The following MTO1 variants were observed in gnomAD, a reference collection of about 807,000 sequenced individuals.
The protein encoded by MTO1 is mitochondrial tRNA translation optimization 1.
Under a neutral mutation model 71.6 loss-of-function variants are expected in MTO1, and 46 were observed. That is an observed-to-expected ratio of 0.64 (90% CI 0.51 to 0.82). The LOEUF is 0.82. MTO1 is among the 40% of genes least tolerant of loss of function. MTO1 has a pLI of 0.00. For synonymous variants in MTO1, 297 were observed against 312.1 expected, an observed-to-expected ratio of 0.95 and a Z score of 0.51; for missense variants, 773 against 867.5, an observed-to-expected ratio of 0.89 and a Z score of 1.37.
chr6:73,469,283 G>A (rs879927404), intron 3 of MTO1, among the ~76,000 whole-genome samples: 1 of 152,106 alleles, frequency 6.6e-6, no homozygotes, highest in African/African-American at 2.4e-5. Context: ...CACCCAAAGT[G>A]TTGGGATTAC....
rs1459174335 is a variant in MTO1 at position 73,502,309 on chromosome 6, T to C, written c.*1574T>C. 6.6e-6 allele frequency: 1 copy of C among 152,140 alleles called. No individual in the cohort carries two copies. Among genetic ancestry groups the C allele is most frequent in the African/African-American group, 2.4e-5 (1 of 41,396 alleles). The allele number at this position is 152,140 out of a possible 1,614,324, so 9.4% of individuals were successfully genotyped here. On this transcript the variant is annotated 3_prime_UTR_variant, in exon 12 of 12. Coordinates refer to ENST00000498286, the MANE Select transcript of MTO1 (RefSeq NM_012123.4). ...AAATACCAAAATTAGCCAGGCGTGG[T>C]GGAGCAAGCCTGTAGTCCCAGCTAC...
intron 1 of MTO1, among the ~76,000 whole-genome samples, chr6:73,464,903 G>A (rs1770941756): frequency 1.3e-5 from 2 of 148,396 alleles, no homozygotes; most frequent in Non-Finnish European, 3.0e-5. Flanking sequence ...CAGTGGATAT[G>A]TGGATATTGA....
At chr6:73,492,978 G>GTGTGTGTA (rs1474802935) in intron 10 of MTO1, among the ~76,000 whole-genome samples, 1 of 98,186 alleles carries the variant, frequency 1.0e-5, no homozygotes, top group African/African-American at 3.5e-5. Flanking sequence ...ATGTGTGTGT[G>GTGTGTGTA]TGTGTGTGTG....
At chr6:73,476,656 A>G (rs1183096942) in intron 4 of MTO1, among the ~76,000 whole-genome samples, 1 of 151,904 alleles carries the variant, frequency 6.6e-6, no homozygotes, top group Non-Finnish European at 1.5e-5. Flanking sequence ...TTTCTGGAAT[A>G]TTTGGGAGTA....
intron 9 of MTO1, among the ~76,000 whole-genome samples, chr6:73,491,266 G>A: frequency 6.8e-6 from 1 of 145,988 alleles, no homozygotes. Context: ...ACCAAATTAG[G>A]AAAAAAAAAA....
rs769685212 is a variant in MTO1 at position 73,479,929 on chromosome 6, A to G, written c.939-7A>G. 1 of 1,611,300 alleles carries G rather than the reference A, an allele frequency of 6.2e-7. No homozygotes were observed. On this transcript the variant is annotated splice_polypyrimidine_tract_variant and splice_region_variant and intron_variant, in intron 5 of 11. Coordinates refer to ENST00000498286, the MANE Select transcript of MTO1 (RefSeq NM_012123.4). ...CATTTCAAGTTTATTTAAATGTTCT[A>G]TTCTAGATACTGTCCCTCCATTGAA...
intron 3 of MTO1, among the ~76,000 whole-genome samples, chr6:73,466,807 C>T (rs767110748): frequency 2.0e-5 from 3 of 152,112 alleles, no homozygotes; most frequent in African/African-American, 7.2e-5. Flanking sequence ...ATTCTAGGCT[C>T]ATCAGTACCA....
intron 4 of MTO1, among the ~76,000 whole-genome samples, chr6:73,475,680 A>G (rs1719899442): frequency 6.6e-6 from 1 of 151,672 alleles, no homozygotes; most frequent in African/African-American, 2.4e-5. Flanking sequence ...ACACCTGGCT[A>G]ATTTTGTATT....
intron 10 of MTO1, 30 bp from the exon 11 acceptor site, chr6:73,497,706 T>C: frequency 6.2e-7 from 1 of 1,600,638 alleles, no homozygotes; most frequent in Non-Finnish European, 8.6e-7. Flanking sequence ...AATCTGGGTA[T>C]TATAACATGA....
intron 1 of MTO1, chr6:73,462,303 G>T (rs1184841480): frequency 6.9e-6 from 4 of 582,380 alleles, no homozygotes; most frequent in Non-Finnish European, 1.2e-5. Context: ...GTCGTCCGTT[G>T]TAGGAGGTTG....
intron 9 of MTO1, chr6:73,486,846 C>G: frequency 5.8e-6 from 1 of 173,092 alleles, no homozygotes; most frequent in South Asian, 1.0e-4. Flanking sequence ...AATCCCAGCA[C>G]TTTGGGAGGC....
chr6:73,496,681 C>G (rs1331324431), intron 10 of MTO1, among the ~76,000 whole-genome samples: 1 of 146,258 alleles, frequency 6.8e-6, no homozygotes, highest in African/African-American at 2.5e-5. Flanking sequence ...CTTCCTGTGT[C>G]CATGTGTTCT....
intron 3 of MTO1, among the ~76,000 whole-genome samples, chr6:73,470,955 T>C (rs1399640377): frequency 6.6e-6 from 1 of 150,864 alleles, no homozygotes; most frequent in Non-Finnish European, 1.5e-5. Context: ...TCTGTCTCAA[T>C]AGAAAAAAAA....
At chr6:73,474,218 G>A (rs539958278) in intron 4 of MTO1, among the ~76,000 whole-genome samples, 4 of 151,016 alleles carry the variant, frequency 2.6e-5, no homozygotes, top group East Asian at 2.0e-4. Flanking sequence ...TCAGCCTCCC[G>A]AGTATACAGG....
rs1256847419 is a variant in MTO1 at position 73,503,173 on chromosome 6, A to G, written c.*2438A>G. On this transcript the variant is annotated 3_prime_UTR_variant, in exon 12 of 12. Coordinates refer to ENST00000498286, the MANE Select transcript of MTO1 (RefSeq NM_012123.4). ...GCCCAGGCTGTAGTGCAGTGGTACA[A>G]TCATAGCTCACTGCAGCCTTGATCT... The G allele has an allele frequency of 2.0e-5, 3 of 152,160 alleles. No homozygotes were observed. The highest frequency in any genetic ancestry group is 3.4e-3 in the Middle Eastern group (1 of 292). 9.4% of individuals were successfully genotyped at this position (152,160 alleles called of 1,614,324 possible).
intron 11 of MTO1, among the ~76,000 whole-genome samples, chr6:73,499,002 C>T (rs1213812423): frequency 2.6e-5 from 4 of 152,156 alleles, no homozygotes; most frequent in Admixed American, 6.6e-5. Flanking sequence ...CCTGGGATTA[C>T]AGGCGTGAGC....
intron 4 of MTO1, among the ~76,000 whole-genome samples, chr6:73,474,990 G>A (rs1025191604): frequency 6.6e-5 from 10 of 152,074 alleles, no homozygotes; most frequent in Middle Eastern, 6.8e-3. Context: ...CCTTACCTTA[G>A]GTAATCCACC....
At chr6:73,469,482 C>T (rs561458376) in intron 3 of MTO1, among the ~76,000 whole-genome samples, 190 of 152,072 alleles carry the variant, frequency 1.2e-3, no homozygotes, top group African/African-American at 3.9e-3. Context: ...ATTAGCTGGG[C>T]GTGGTGGCAT....
chr6:73,471,138 A>G (rs1438157366), intron 3 of MTO1, among the ~76,000 whole-genome samples: 1 of 148,070 alleles, frequency 6.8e-6, no homozygotes, highest in Non-Finnish European at 1.5e-5. Context: ...TATTATACAC[A>G]CTGTTCCTCT....
Sources: gnomAD v4.1 joint callset for allele counts (sites outside exome capture counted in the v4.1 genomes callset) on GRCh38, gnomAD v4.1.1 for gene constraint, MANE v1.5 for transcripts, NCBI Gene and HGNC (gene_info 2026-07-23, HGNC 2026-07-21) for gene names.